NEMF: variants seen among roughly 807,000 people sequenced by gnomAD.
NEMF encodes ribosome quality control complex subunit NEMF.
A neutral mutation model predicts 162.2 loss-of-function variants in NEMF; 89 were observed. That is an observed-to-expected ratio of 0.55 (90% CI 0.46 to 0.65). The LOEUF is 0.65. NEMF is among the 30% of genes least tolerant of loss of function. NEMF has a pLI of 0.00. For missense variants in NEMF, 1,133 were observed against 1,261.9 expected (o/e 0.90, Z 1.55); for synonymous variants, 421 against 404.5 (o/e 1.04, Z -0.49).
In NEMF at chr14:49,833,422, C is replaced by T; in HGVS notation, c.735+1G>A. On this transcript the variant is annotated splice_donor_variant, in intron 8 of 32. Coordinates refer to ENST00000298310, the MANE Select transcript of NEMF (RefSeq NM_004713.6). LOFTEE classifies it high-confidence loss of function. The stretch of plus-strand genomic sequence containing the variant: ...TATATAGTAAGTATACATGGTGCTA[C>T]CTTCCCACTGAAGTTGGATGTTGTT... 6.4e-7 allele frequency: 1 copy of T among 1,574,788 alleles called. No homozygotes were observed. The highest frequency in any genetic ancestry group is 8.7e-7 in the Non-Finnish European group (1 of 1,152,480).
At position 49,829,064 on chromosome 14, in the gene NEMF, T is replaced by C. The variant is rs765901949; in HGVS notation, c.1222A>G (p.Met408Val). ...AAGAGTCAAACTTACCTTAGCAGCA[T>C]TGTAACATGGTTTGTTTGTAGTTTT... ...ELKLQTNHVT[M>V]LLRNPYLLSE... The change falls in exon 13 of 33, where the codon ATG becomes GTG. Residue 408 changes from methionine (M) to valine (V), a missense_variant. By Grantham distance (21) the Met-to-Val change is conservative (BLOSUM62 1). Coordinates refer to ENST00000298310, the MANE Select transcript of NEMF (RefSeq NM_004713.6). The C allele has an allele frequency of 5.6e-6, 9 of 1,613,776 alleles. No individual in the cohort carries two copies. Among genetic ancestry groups the C allele is most frequent in the African/African-American group, 2.7e-5 (2 of 74,936 alleles).
chr14:49,834,218 A>T, intron 7 of NEMF, 145 bp downstream of exon 7: 1 of 620,320 alleles, frequency 1.6e-6, no homozygotes, highest in Non-Finnish European at 2.9e-6. Flanking sequence ...AGCCTCCCAA[A>T]GTGCTGGGAT....
chr14:49,821,993 T>C (rs1247547273), intron 16 of NEMF, among the ~76,000 whole-genome samples: 3 of 152,118 alleles, frequency 2.0e-5, no homozygotes, highest in Non-Finnish European at 2.9e-5. Context: ...TGGGATCCTG[T>C]TGATCTATGA....
chr14:49,832,701 T>C (rs1490168732), intron 8 of NEMF, among the ~76,000 whole-genome samples: 5 of 152,190 alleles, frequency 3.3e-5, no homozygotes, highest in African/African-American at 1.2e-4. Context: ...CTGATATTAA[T>C]TTTAATTTTC....
intron 11 of NEMF, among the ~76,000 whole-genome samples, chr14:49,830,296 G>A (rs1892573183): frequency 1.3e-5 from 2 of 152,182 alleles, no homozygotes. Context: ...ATTACATGAT[G>A]TATATAATTC....
At chr14:49,846,962 T>C (rs1893533787) in intron 3 of NEMF, among the ~76,000 whole-genome samples, 1 of 152,224 alleles carries the variant, frequency 6.6e-6, no homozygotes, top group Admixed American at 6.5e-5. Flanking sequence ...CTCAGCTCAC[T>C]GCAACCTCCG....
chr14:49,820,202 G>A (rs1891932232), intron 16 of NEMF: 2 of 283,526 alleles, frequency 7.1e-6, no homozygotes, highest in Admixed American at 4.8e-5. Context: ...TGCCCGCCTC[G>A]GCCTCCCAAA....
chr14:49,851,797 A>G lies in NEMF; in HGVS notation c.128+10T>C, dbSNP rs1385304118. On this transcript the variant is annotated intron_variant, in intron 2 of 32. Transcript: ENST00000298310. ...GTCAAAGAGAAAATAAGCCTATAAA[A>G]TGTTCTTACTTTTGAAGACGAATAA... 6.6e-7 allele frequency: 1 copy of G among 1,518,416 alleles called. No homozygotes were observed. Among genetic ancestry groups the G allele is most frequent in the Admixed American group, 1.8e-5 (1 of 54,142 alleles). The allele number at this position is 1,518,416 out of a possible 1,614,324, so 94.1% of individuals were successfully genotyped here. A position where few individuals can be genotyped will look rare whatever the true frequency, so the allele number is the denominator to read the frequency against.
chr14:49,843,258 G>C (rs142304390), intron 4 of NEMF, among the ~76,000 whole-genome samples: 5 of 152,256 alleles, frequency 3.3e-5, no homozygotes, highest in African/African-American at 1.2e-4. Context: ...ACCTTAGGAG[G>C]TTGAGATGGG....
At chr14:49,839,139 G>A (rs1476602607) in intron 5 of NEMF, among the ~76,000 whole-genome samples, 4 of 150,298 alleles carry the variant, frequency 2.7e-5, no homozygotes, top group East Asian at 2.0e-4. Flanking sequence ...GTGCAATGGC[G>A]CAATCTCAGC....
chr14:49,807,792 T>C (rs145705291), intron 18 of NEMF, among the ~76,000 whole-genome samples: 207 of 151,864 alleles, frequency 1.4e-3, no homozygotes, highest in Non-Finnish European at 2.4e-3. Flanking sequence ...TTACTAGGGA[T>C]GGGGTTTCAC....
chr14:49,789,414 T>A, intron 27 of NEMF, 71 bp from the exon 28 acceptor site: 1 of 1,610,068 alleles, frequency 6.2e-7, no homozygotes, highest in South Asian at 1.1e-5. Flanking sequence ...CAAGAATGTA[T>A]TGAATGCCTG....
chr14:49,795,381 G>C (rs950216039), intron 26 of NEMF, among the ~76,000 whole-genome samples: 6 of 151,670 alleles, frequency 4.0e-5, no homozygotes, highest in Admixed American at 3.3e-4. Flanking sequence ...GGTGGGGGCA[G>C]GGGCAGTGTG....
At chr14:49,850,651 T>C (rs533219657) in intron 3 of NEMF, among the ~76,000 whole-genome samples, 3 of 150,388 alleles carry the variant, frequency 2.0e-5, no homozygotes, top group African/African-American at 4.9e-5. Context: ...TCTGTTTTAA[T>C]AGTAAAAACA....
intron 3 of NEMF, among the ~76,000 whole-genome samples, chr14:49,849,139 C>T (rs1002078373): frequency 6.6e-6 from 1 of 152,146 alleles, no homozygotes; most frequent in Non-Finnish European, 1.5e-5. Context: ...ATGACCTATA[C>T]TGATTTGATT....
intron 18 of NEMF, among the ~76,000 whole-genome samples, chr14:49,807,617 A>G (rs1891281207): frequency 1.5e-5 from 2 of 137,348 alleles, no homozygotes; most frequent in African/African-American, 5.5e-5. Flanking sequence ...TTTTTTTGAG[A>G]CGGAGTCTCT....
rs1199399759 is a variant in NEMF, at chr14:49,852,762, C to T, written c.-9G>A. 8 of 1,614,166 alleles carry T rather than the reference C, an allele frequency of 5.0e-6. No individual in the cohort carries two copies. Among genetic ancestry groups the T allele is most frequent in the Middle Eastern group, 1.6e-4 (1 of 6,062 alleles). On this transcript the variant is annotated 5_prime_UTR_variant, in exon 1 of 33. Transcript: ENST00000298310. ...CTAAAGCGGCTCTTCATGGCGAGGCCCGAGGGTCACTACCGCAAGTTCCTC... is the reference window on the plus strand; with the variant it reads ...CTAAAGCGGCTCTTCATGGCGAGGCTCGAGGGTCACTACCGCAAGTTCCTC...
At chr14:49,804,896 G>A (rs943534107) in intron 19 of NEMF, among the ~76,000 whole-genome samples, 1 of 151,676 alleles carries the variant, frequency 6.6e-6, no homozygotes, top group Non-Finnish European at 1.5e-5. Flanking sequence ...CAGGTATGGT[G>A]GGACACTCCT....
In NEMF at chr14:49,828,761, C is replaced by T; in HGVS notation, c.1279G>A (p.Asp427Asn). Reference protein sequence around the residue: ...SEEEDDDVDGDVNVEKNETEP... With the variant: ...SEEEDDDVDGNVNVEKNETEP... The stretch of plus-strand genomic sequence containing the variant: ...GTTTCATTTTTCTCAACATTGACGT[C>T]ACCATCAACATCATCATCTTCCTCC... Residue 427 changes from aspartate (D) to asparagine (N), a missense_variant, in exon 14 of 33, where the codon GAC (aspartate) becomes AAC (asparagine). Asp to Asn is a conservative substitution (Grantham distance 23). Transcript: ENST00000298310. 1.9e-6 allele frequency: 3 copies of T among 1,558,500 alleles called. No individual in the cohort carries two copies. The East Asian group carries it at 6.8e-5, about 35-fold the overall frequency.
Sources: allele counts gnomAD v4.1 joint callset (sites outside exome capture counted in the v4.1 genomes callset), GRCh38; gene constraint gnomAD v4.1.1; transcripts MANE v1.5; gene names NCBI Gene and HGNC (gene_info 2026-07-23, HGNC 2026-07-21).